EBF2: variants seen among roughly 807,000 people sequenced by gnomAD.
EBF2 encodes transcription factor COE2.
Under a neutral mutation model 72.8 loss-of-function variants are expected in EBF2, and 21 were observed. The ratio of observed to expected loss-of-function variants is 0.29; its 90% confidence interval spans 0.20 to 0.42. EBF2 has a LOEUF of 0.42. EBF2 is among the 10% of genes least tolerant of loss of function. The pLI is 1.00. For synonymous variants in EBF2, 299 were observed against 274.2 expected (o/e 1.09, Z -0.89); for missense variants, 637 against 731.2 (o/e 0.87, Z 1.49).
At chr8:25,859,058 C>G (rs965246040) in intron 13 of EBF2, among the ~76,000 whole-genome samples, 1 of 152,084 alleles carries the variant, frequency 6.6e-6, no homozygotes, top group Non-Finnish European at 1.5e-5. Context: ...CCAGCTTACA[C>G]CAAGGAGCGA....
In EBF2 at chr8:26,042,235, G is replaced by A; in HGVS notation, c.148C>T (p.Arg50Trp). ...VAAQSGVALS[R>W]AHFEKQPPSN... Reference sequence around the variant, plus strand: ...GGAGGCTGTTTCTCAAAGTGGGCCCGGGACAGGGCGACCCCGCTGCACAGG... The same window carrying A: ...GGAGGCTGTTTCTCAAAGTGGGCCCAGGACAGGGCGACCCCGCTGCACAGG... Residue 50 changes from arginine to tryptophan, a missense_variant, in exon 2 of 16, where the codon CGG becomes TGG. Coordinates refer to ENST00000520164, the MANE Select transcript of EBF2 (RefSeq NM_022659.4). 6.2e-7 allele frequency: 1 copy of A among 1,613,700 alleles called. No homozygotes were observed. Among genetic ancestry groups the A allele is most frequent in the Admixed American group, 1.7e-5 (1 of 59,942 alleles).
In EBF2 at chr8:25,861,203, T is replaced by G; in HGVS notation, c.1188A>C (p.Ala396=). ...CGCTGTAGAGAGCTTCAGCAATGTC[T>G]GCGGCTCGCTTCAAAATGATGTCCT... ...NNQDIILKRA[A]DIAEALYSVP... is the part of the protein sequence containing the mutation. Residue 396 remains alanine, a synonymous_variant, in exon 13 of 16, where the codon GCA becomes GCC. Coordinates refer to ENST00000520164, the MANE Select transcript of EBF2 (RefSeq NM_022659.4). 6.2e-7 allele frequency: 1 copy of G among 1,613,330 alleles called. No individual in the cohort carries two copies. The highest frequency in any genetic ancestry group is 8.5e-7 in the Non-Finnish European group (1 of 1,179,498).
chr8:25,902,356 A>C (rs531713036), intron 7 of EBF2, among the ~76,000 whole-genome samples: 21 of 152,020 alleles, frequency 1.4e-4, no homozygotes, highest in Non-Finnish European at 2.8e-4. Context: ...TGGGTGTTTC[A>C]CCTAATTGTT....
chr8:26,034,069 G>T (rs1372424435), intron 5 of EBF2, among the ~76,000 whole-genome samples: 1 of 152,128 alleles, frequency 6.6e-6, no homozygotes, highest in Admixed American at 6.5e-5. Context: ...TTAAAGAAAC[G>T]AGAGGAAGGA....
intron 6 of EBF2, chr8:26,031,812 C>T (rs1459136468): frequency 6.6e-6 from 1 of 152,156 alleles, no homozygotes; most frequent in Non-Finnish European, 1.5e-5. Flanking sequence ...CATGCCACCG[C>T]TCAGCGTTCA....
chr8:25,989,767 G>A (rs1020044811), intron 6 of EBF2, among the ~76,000 whole-genome samples: 2 of 152,194 alleles, frequency 1.3e-5, no homozygotes, highest in Non-Finnish European at 2.9e-5. Flanking sequence ...TAAGCTAAGT[G>A]GATTTGGCTT....
intron 10 of EBF2, among the ~76,000 whole-genome samples, chr8:25,880,137 T>TTTTTGCTGAATAAAA (rs1340030651): frequency 6.6e-6 from 1 of 152,198 alleles, no homozygotes; most frequent in Non-Finnish European, 1.5e-5. Flanking sequence ...ACAAAATAAA[T>TTTTTGCTGAATAAAA]TTTTGCTGAA....
chr8:25,852,114 G>T (rs1031856879), intron 14 of EBF2, among the ~76,000 whole-genome samples: 1 of 151,984 alleles, frequency 6.6e-6, no homozygotes, highest in Admixed American at 6.6e-5. Context: ...CTCATATATG[G>T]ATAAAAAGAA....
chr8:25,924,183 C>T (rs370757285), intron 6 of EBF2, among the ~76,000 whole-genome samples: 1 of 152,176 alleles, frequency 6.6e-6, no homozygotes, highest in African/African-American at 2.4e-5. Flanking sequence ...ACATATCTTC[C>T]CTGTAAAATT....
intron 10 of EBF2, among the ~76,000 whole-genome samples, chr8:25,879,368 G>A (rs1472561753): frequency 6.6e-6 from 1 of 152,078 alleles, no homozygotes; most frequent in East Asian, 1.9e-4. Context: ...TCCCATGAAC[G>A]GTCTTCCAGC....
At chr8:25,925,926 T>C (rs1803378685) in intron 6 of EBF2, among the ~76,000 whole-genome samples, 1 of 152,168 alleles carries the variant, frequency 6.6e-6, no homozygotes, top group Non-Finnish European at 1.5e-5. Flanking sequence ...GTTTGGAAAT[T>C]CACAGACTCT....
rs893141157 is a variant in EBF2, at chr8:26,033,302, T to C, written c.483-149A>G. On this transcript the variant is annotated intron_variant, in intron 5 of 15. Coordinates refer to ENST00000520164, the MANE Select transcript of EBF2 (RefSeq NM_022659.4). ...AATGGCTTGATGCCTCCTTCTTGGC[T>C]CACCACAACCTCTGCCTCCTGGGTT... 4.0e-5 allele frequency: 29 copies of C among 719,094 alleles called. 1 individual carries two copies. The highest frequency in any genetic ancestry group is 3.6e-4 in the Admixed American group (16 of 43,922). The allele number at this position is 719,094 out of a possible 1,614,324, so 44.5% of individuals were successfully genotyped here.
intron 6 of EBF2, among the ~76,000 whole-genome samples, chr8:26,018,340 C>T (rs1336123836): frequency 1.3e-5 from 2 of 150,922 alleles, no homozygotes; most frequent in African/African-American, 4.9e-5. Context: ...TAGAAGGGAG[C>T]AGAGAGACTG....
rs532539702 is a variant in EBF2 at position 25,908,273 on chromosome 8, A to G, written c.633+201T>C. Among the ~76,000 whole-genome samples, 15 of 152,308 alleles carry G rather than the reference A, an allele frequency of 9.8e-5. No homozygotes were observed. The South Asian group carries it at 2.9e-3, about 29-fold the overall frequency. ...TGCCTCTCCCCATAGGGCTTTGGCA[A>G]TGGGGGCAGAAAGCTTAAACACTAC... On this transcript the variant is annotated intron_variant, in intron 7 of 15. Transcript: ENST00000520164.
Position 25,862,782 on chromosome 8 carries a change from G to A in EBF2, c.1025C>T (p.Thr342Ile), listed in dbSNP as rs1802233795. Residue 342 changes from threonine (T) to isoleucine (I), a missense_variant, in exon 11 of 16, where the codon ACC becomes ATC. By Grantham distance (89) the Thr-to-Ile change is moderately conservative. Around this residue, in one of 3 missense-constraint regions of EBF2, gnomAD observed 204 missense variants for 301.2 expected, o/e 0.68. Coordinates refer to ENST00000520164, the MANE Select transcript of EBF2 (RefSeq NM_022659.4). ...RFIYTALNEPTIDYGFQRLQK... is the reference protein window; with the variant it reads ...RFIYTALNEPIIDYGFQRLQK... ...CAGTCTCTGGAAGCCATAGTCTATG[G>A]TGGGTTCATTTAATGCTGAAAGAGA... The A allele has an allele frequency of 6.3e-7, 1 of 1,594,218 alleles. No homozygotes were observed. The highest frequency in any genetic ancestry group is 1.1e-5 in the South Asian group (1 of 88,034).
intron 6 of EBF2, among the ~76,000 whole-genome samples, chr8:26,008,167 T>C (rs923748770): frequency 1.3e-5 from 2 of 151,772 alleles, no homozygotes; most frequent in Admixed American, 1.3e-4. Flanking sequence ...TGGGTCTATG[T>C]TTCCCAAGCA....
intron 6 of EBF2, among the ~76,000 whole-genome samples, chr8:25,915,045 T>C (rs982120977): frequency 2.0e-5 from 3 of 152,240 alleles, no homozygotes; most frequent in Non-Finnish European, 1.5e-5. Context: ...TTATAATTAA[T>C]AATAGCCTAT....
chr8:26,034,738 T>C (rs1043421214), intron 5 of EBF2, among the ~76,000 whole-genome samples: 11 of 152,204 alleles, frequency 7.2e-5, no homozygotes, highest in African/African-American at 2.7e-4. Flanking sequence ...TTTTAAAAAA[T>C]CTTTATCATC....
intron 10 of EBF2, among the ~76,000 whole-genome samples, chr8:25,874,207 C>T (rs1802483970): frequency 6.6e-6 from 1 of 152,160 alleles, no homozygotes; most frequent in African/African-American, 2.4e-5. Flanking sequence ...GAGCTATTAA[C>T]ATTTGAAATC....
Sources: gnomAD v4.1 joint callset for allele counts (sites outside exome capture counted in the v4.1 genomes callset) on GRCh38, gnomAD v4.1.1 for gene constraint, gnomAD v4.1.1 regional missense constraint, MANE v1.5 for transcripts, NCBI Gene and HGNC (gene_info 2026-07-23, HGNC 2026-07-21) for gene names.